BCL2L13: variants seen among roughly 807,000 people sequenced by gnomAD.
BCL2L13 encodes bcl-2-like protein 13.
BCL2L13 carries 13 observed loss-of-function variants against 25.8 expected under a neutral mutation model. The observed-to-expected ratio is 0.50, with a 90% CI of 0.33 to 0.80. The LOEUF (loss-of-function observed/expected upper bound fraction) is 0.80. BCL2L13 is among the 30% of genes least tolerant of loss of function. The pLI is 0.02. For missense variants in BCL2L13, 504 were observed against 574.9 expected, an observed-to-expected ratio of 0.88 and a Z score of 1.26; for synonymous variants, 244 against 230.3, an observed-to-expected ratio of 1.06 and a Z score of -0.54.
rs557091434 is a variant in BCL2L13, at chr22:17,721,699, A to G, written c.601-4978A>G. On this transcript the variant is annotated intron_variant, in intron 6 of 6. Transcript: ENST00000317582. ...GCCACCACGCCTGGCTAATTTTTGT[A>G]TTTTTTAGTAGAGGCAGGGTTTTGC... Among the ~76,000 whole-genome samples the G allele has an allele frequency of 3.3e-5, 5 of 150,632 alleles. No homozygotes were observed. In the South Asian group the frequency reaches 6.3e-4, roughly 19 times the overall value.
intron 2 of BCL2L13, among the ~76,000 whole-genome samples, chr22:17,662,139 A>AT (rs1397825685): frequency 6.6e-6 from 1 of 152,144 alleles, no homozygotes; most frequent in African/African-American, 2.4e-5. Context: ...GTGAAGTTGT[A>AT]TATTTCCTTT....
At chr22:17,633,338 A>G (rs927525717) in intron 1 of BCL2L13, among the ~76,000 whole-genome samples, 4 of 152,220 alleles carry the variant, frequency 2.6e-5, no homozygotes, top group Non-Finnish European at 5.9e-5. Context: ...AGCTTTACAG[A>G]GATAACCTCT....
intron 1 of BCL2L13, among the ~76,000 whole-genome samples, chr22:17,632,347 A>G (rs1449841794): frequency 2.0e-5 from 3 of 152,228 alleles, no homozygotes; most frequent in South Asian, 2.1e-4. Flanking sequence ...TCACAGAACA[A>G]TAACACAGGG....
chr22:17,656,473 G>A (rs753366123), intron 2 of BCL2L13, among the ~76,000 whole-genome samples: 7 of 141,740 alleles, frequency 4.9e-5, no homozygotes, highest in African/African-American at 1.6e-4. Context: ...TCAGCCTCCC[G>A]AGTAGCTGGG....
intron 1 of BCL2L13, among the ~76,000 whole-genome samples, chr22:17,649,843 A>G (rs958584762): frequency 1.5e-5 from 2 of 135,856 alleles, no homozygotes; most frequent in East Asian, 2.2e-4. Context: ...TATTAATTTT[A>G]TCTATTCTCC....
At chr22:17,654,315 T>C (rs1309978866) in intron 1 of BCL2L13, among the ~76,000 whole-genome samples, 3 of 152,196 alleles carry the variant, frequency 2.0e-5, no homozygotes, top group Non-Finnish European at 4.4e-5. Context: ...TGTTACCATG[T>C]TGTCAGGCCG....
chr22:17,631,105 A>ATT (rs3044580), intron 1 of BCL2L13, among the ~76,000 whole-genome samples: 15,755 of 143,328 alleles, frequency 0.11, 1,006 homozygotes, highest in Middle Eastern at 0.23. Flanking sequence ...AAATCACTCA[A>ATT]TTTTTTTTTT....
chr22:17,723,455 A>G (rs1191989422), intron 6 of BCL2L13, among the ~76,000 whole-genome samples: 1 of 152,192 alleles, frequency 6.6e-6, no homozygotes, highest in Non-Finnish European at 1.5e-5. Context: ...AAGGGAGGGT[A>G]TTGTTTCCAT....
intron 2 of BCL2L13, among the ~76,000 whole-genome samples, chr22:17,658,473 G>A (rs567097989): frequency 8.9e-4 from 134 of 151,016 alleles, no homozygotes; most frequent in African/African-American, 2.9e-3. Context: ...CGGGCGGATC[G>A]CCTGAGGTCA....
intron 1 of BCL2L13, among the ~76,000 whole-genome samples, chr22:17,646,893 TGTGTG>T (rs2058496016): frequency 2.3e-4 from 1 of 4,342 alleles, no homozygotes; most frequent in Non-Finnish European, 4.8e-4. Flanking sequence ...CTAATTTGTG[TGTGTG>T]TGTGTGTGTG....
intron 5 of BCL2L13, among the ~76,000 whole-genome samples, chr22:17,699,753 G>A (rs1325531411): frequency 6.6e-6 from 1 of 152,108 alleles, no homozygotes; most frequent in Non-Finnish European, 1.5e-5. Context: ...AAAAAGTAAT[G>A]TGGGAGATGA....
At position 17,676,902 on chromosome 22, in the gene BCL2L13, A is replaced by G. The variant is rs139630243; in HGVS notation, c.122-6312A>G. 8.3e-3 allele frequency among the ~76,000 whole-genome samples: 1,266 copies of G among 152,312 alleles called. 9 individuals carry two copies. The highest frequency in any genetic ancestry group is 0.014 in the Admixed American group (212 of 15,284). The stretch of plus-strand genomic sequence containing the variant: ...TCTTTCTAGGATAAATTGGCCTCAA[A>G]TTTTTGCATAATAGATTGTTTTATG... On this transcript the variant is annotated intron_variant, in intron 2 of 6. Transcript: ENST00000317582.
intron 6 of BCL2L13, among the ~76,000 whole-genome samples, chr22:17,720,558 T>A (rs2061091938): frequency 6.6e-6 from 1 of 151,620 alleles, no homozygotes. Flanking sequence ...AGAGATGGGG[T>A]TTCTCCATGT....
chr22:17,704,345 A>G (rs960878530), intron 6 of BCL2L13, among the ~76,000 whole-genome samples: 14 of 151,886 alleles, frequency 9.2e-5, no homozygotes, highest in Non-Finnish European at 1.5e-5. Flanking sequence ...TAGGCCTCCC[A>G]AAGTGCTGGG....
intron 5 of BCL2L13, among the ~76,000 whole-genome samples, chr22:17,698,115 C>CTT (rs532136778): frequency 2.7e-5 from 4 of 145,730 alleles, no homozygotes; most frequent in African/African-American, 5.0e-5. Flanking sequence ...TGTGCCTGGC[C>CTT]TTTTTTTTTT....
chr22:17,723,446 A>AGG (rs1426323868), intron 6 of BCL2L13, among the ~76,000 whole-genome samples: 1 of 152,214 alleles, frequency 6.6e-6, no homozygotes, highest in African/African-American at 2.4e-5. Context: ...TCTTTAGCCA[A>AGG]GGGAGGGTAT....
At chr22:17,683,625 A>G (rs2059819799) in intron 3 of BCL2L13, among the ~76,000 whole-genome samples, 1 of 152,096 alleles carries the variant, frequency 6.6e-6, no homozygotes, top group Admixed American at 6.6e-5. Context: ...TGTATTTAGT[A>G]TTACCTTTAT....
intron 5 of BCL2L13, among the ~76,000 whole-genome samples, chr22:17,701,248 T>C (rs991704569): frequency 2.6e-5 from 4 of 152,200 alleles, no homozygotes; most frequent in African/African-American, 7.2e-5. Context: ...GCTCTTAGTT[T>C]TTAAAAGTTC....
intron 2 of BCL2L13, among the ~76,000 whole-genome samples, chr22:17,663,358 C>A (rs2059131954): frequency 6.6e-6 from 1 of 152,050 alleles, no homozygotes; most frequent in African/African-American, 2.4e-5. Flanking sequence ...GTTGGTGTGT[C>A]CTACTTTTGA....
Sources: allele counts gnomAD v4.1 joint callset (sites outside exome capture counted in the v4.1 genomes callset), GRCh38; gene constraint gnomAD v4.1.1; transcripts MANE v1.5; gene names NCBI Gene and HGNC (gene_info 2026-07-23, HGNC 2026-07-21).